The following DPP10 variants were observed in gnomAD, a reference collection of about 807,000 sequenced individuals.
DPP10 encodes the protein inactive dipeptidyl peptidase 10.
Under a neutral mutation model 120.9 loss-of-function variants are expected in DPP10, and 33 were observed. That is an observed-to-expected ratio of 0.27 (90% CI 0.21 to 0.37). The LOEUF is 0.37. DPP10 is among the 10% of genes least tolerant of loss of function. The probability of loss-of-function intolerance (pLI) is 1.00; values close to 1 mark genes in which losing one functional copy is unlikely to be tolerated. For synonymous variants in DPP10, 337 were observed against 326.1 expected (o/e 1.03, Z -0.36); for missense variants, 816 against 942.8 (o/e 0.87, Z 1.76).
chr2:115,104,642 A>G (rs940084892), intron 1 of DPP10, among the ~76,000 whole-genome samples: 23 of 152,136 alleles, frequency 1.5e-4, no homozygotes, highest in African/African-American at 5.1e-4. Flanking sequence ...CTGCCCTCCA[A>G]TATAACATCA....
chr2:115,614,411 T>C (rs1310707640), intron 5 of DPP10, among the ~76,000 whole-genome samples: 1 of 152,012 alleles, frequency 6.6e-6, no homozygotes, highest in Admixed American at 6.6e-5. Flanking sequence ...CACAGTTTTA[T>C]AGGGGAAGGA....
rs531927820 is a variant in DPP10, at chr2:114,838,423, C to T, written c.60+395585C>T. Among the ~76,000 whole-genome samples the T allele has an allele frequency of 2.0e-5, 3 of 152,162 alleles. No homozygotes were observed. The South Asian group carries it at 6.2e-4, about 32-fold the overall frequency. ...CCACCTCCCGGATTTGAGCGACCCT[C>T]CCACCTCAGCCTTGGAGTACTTAGG... is the stretch of plus-strand genomic sequence containing the variant. On this transcript the variant is annotated intron_variant, in intron 1 of 25. Transcript: ENST00000410059.
chr2:114,689,430 G>A (rs1476459030), intron 1 of DPP10, among the ~76,000 whole-genome samples: 1 of 151,930 alleles, frequency 6.6e-6, no homozygotes, highest in Non-Finnish European at 1.5e-5. Context: ...TTTTGTGGCT[G>A]TACAGCATTT....
intron 1 of DPP10, among the ~76,000 whole-genome samples, chr2:115,014,815 C>T (rs1702514339): frequency 6.8e-6 from 1 of 147,266 alleles, no homozygotes; most frequent in Non-Finnish European, 1.5e-5. Context: ...CCTGAATAGA[C>T]CAATAACAAG....
intron 3 of DPP10, among the ~76,000 whole-genome samples, chr2:115,383,791 A>G (rs2066627403): frequency 6.6e-6 from 1 of 152,212 alleles, no homozygotes; most frequent in South Asian, 2.1e-4. Context: ...GAGCATAATA[A>G]AATAGATTAC....
At chr2:115,162,168 C>G in intron 1 of DPP10, 1 of 1,544,626 alleles carries the variant, frequency 6.5e-7, no homozygotes, top group South Asian at 1.2e-5. Context: ...TCCAGGCTCT[C>G]CTGCTTCTCC....
intron 1 of DPP10, among the ~76,000 whole-genome samples, chr2:115,251,919 G>C (rs1445161242): frequency 6.6e-6 from 1 of 152,116 alleles, no homozygotes; most frequent in Admixed American, 6.6e-5. Flanking sequence ...ATTTTCTCTG[G>C]GCAGCCCCAC....
chr2:115,435,121 T>C (rs2071374593), intron 3 of DPP10, among the ~76,000 whole-genome samples: 1 of 151,650 alleles, frequency 6.6e-6, no homozygotes, highest in Non-Finnish European at 1.5e-5. Context: ...ATATTGGCTA[T>C]TGTGTATAGT....
chr2:114,788,308 A>G (rs1682936932), intron 1 of DPP10, among the ~76,000 whole-genome samples: 1 of 152,104 alleles, frequency 6.6e-6, no homozygotes. Context: ...TACTCATCCT[A>G]TGTTTATCTA....
chr2:114,445,479 G>A (rs1677886170), intron 1 of DPP10, among the ~76,000 whole-genome samples: 1 of 151,388 alleles, frequency 6.6e-6, no homozygotes, highest in Non-Finnish European at 1.5e-5. Context: ...AAAGTGAAAT[G>A]CATTGCTAAA....
At chr2:115,573,581 C>CTTTT (rs767336910) in intron 5 of DPP10, among the ~76,000 whole-genome samples, 28 of 70,280 alleles carry the variant, frequency 4.0e-4, no homozygotes, top group Admixed American at 6.7e-4. Flanking sequence ...TGCGCCCGGC[C>CTTTT]TTTTTTTTTT....
chr2:115,005,456 T>G (rs1479101423), intron 1 of DPP10, among the ~76,000 whole-genome samples: 2 of 151,224 alleles, frequency 1.3e-5, no homozygotes, highest in Admixed American at 1.3e-4. Context: ...GGCAAAGAAG[T>G]TGAAAACTTT....
intron 5 of DPP10, among the ~76,000 whole-genome samples, chr2:115,625,408 A>G (rs1010348051): frequency 2.6e-5 from 4 of 152,164 alleles, no homozygotes; most frequent in Non-Finnish European, 2.9e-5. Context: ...AATTGATATG[A>G]AGTATCTGCA....
intron 11 of DPP10, among the ~76,000 whole-genome samples, chr2:115,758,929 T>C (rs149052141): frequency 2.6e-5 from 4 of 152,138 alleles, no homozygotes; most frequent in Non-Finnish European, 5.9e-5. Flanking sequence ...TAAAATCAAT[T>C]TGGGATAAAT....
chr2:115,509,676 TAAAAC>T (rs1469471049), intron 4 of DPP10, among the ~76,000 whole-genome samples: 2 of 151,848 alleles, frequency 1.3e-5, no homozygotes, highest in African/African-American at 4.8e-5. Context: ...AAAAACAAAA[TAAAAC>T]AAAAGAACAC....
intron 1 of DPP10, among the ~76,000 whole-genome samples, chr2:114,817,194 GC>G (rs1485810726): frequency 1.3e-5 from 2 of 151,948 alleles, no homozygotes; most frequent in African/African-American, 4.8e-5. Flanking sequence ...GAGGATACTG[GC>G]AAAATGAGGC....
At chr2:115,840,895 C>T in intron 25 of DPP10, 72 bp downstream of exon 25, 1 of 1,220,018 alleles carries the variant, frequency 8.2e-7, no homozygotes, top group African/African-American at 1.5e-5. Flanking sequence ...AACACAGCTT[C>T]TCTATTATTC....
At chr2:114,754,744 G>C (rs574620823) in intron 1 of DPP10, among the ~76,000 whole-genome samples, 1 of 152,084 alleles carries the variant, frequency 6.6e-6, no homozygotes, top group Non-Finnish European at 1.5e-5. Context: ...GCATTTCTAA[G>C]CATTGATTTT....
At chr2:115,618,653 T>A (rs1272085512) in intron 5 of DPP10, among the ~76,000 whole-genome samples, 1 of 152,134 alleles carries the variant, frequency 6.6e-6, no homozygotes, top group Non-Finnish European at 1.5e-5. Flanking sequence ...CACATACAAA[T>A]CCGTTTATAT....
Sources: allele counts gnomAD v4.1 joint callset (sites outside exome capture counted in the v4.1 genomes callset), GRCh38; gene constraint gnomAD v4.1.1; transcripts MANE v1.5; gene names NCBI Gene and HGNC (gene_info 2026-07-23, HGNC 2026-07-21).